The following GPD1L variants were observed in gnomAD, a reference collection of about 807,000 sequenced individuals.
GPD1L encodes glycerol-3-phosphate dehydrogenase 1 like.
Under a neutral mutation model 32.9 loss-of-function variants are expected in GPD1L, and 17 were observed. The observed-to-expected ratio is 0.52, with a 90% confidence interval of 0.35 to 0.78. The LOEUF is 0.78. Among genes scored for constraint, GPD1L ranks in the 30% least tolerant of loss-of-function variants. GPD1L has a pLI of 0.01. For synonymous variants in GPD1L, 187 were observed against 165.9 expected (o/e 1.13, Z -0.98); for missense variants, 361 against 447.8 (o/e 0.81, Z 1.75).
rs575598114 is a variant in GPD1L at position 32,120,226 on chromosome 3, G to A, written c.48-7850G>A. Among the ~76,000 whole-genome samples, 5 of 152,270 alleles carry A rather than the reference G, an allele frequency of 3.3e-5. No individual in the cohort carries two copies. The South Asian group carries it at 1.0e-3, about 32-fold the overall frequency. ...CCAGCTACTGGGGAGCCTGAGGCAG[G>A]AGAATCGCTTGAACCCAGGAGACGG... On this transcript the variant is annotated intron_variant, in intron 1 of 7. Coordinates refer to ENST00000282541, the MANE Select transcript of GPD1L (RefSeq NM_015141.4).
At chr3:32,136,189 A>C (rs920020789) in intron 2 of GPD1L, among the ~76,000 whole-genome samples, 1 of 152,138 alleles carries the variant, frequency 6.6e-6, no homozygotes, top group Non-Finnish European at 1.5e-5. Context: ...CTTCATCCAC[A>C]TGGTAGCCCC....
At chr3:32,159,131 C>A in intron 6 of GPD1L, 22 bp downstream of exon 6, 1 of 1,558,158 alleles carries the variant, frequency 6.4e-7, no homozygotes, top group Non-Finnish European at 8.8e-7. Context: ...CCTGCTCTCC[C>A]GCACCCCCTC....
Position 32,159,736 on chromosome 3 carries a change from C to T in GPD1L, c.959+62C>T, listed in dbSNP as rs1423056539. On this transcript the variant is annotated intron_variant, in intron 7 of 7. Coordinates refer to ENST00000282541, the MANE Select transcript of GPD1L (RefSeq NM_015141.4). Reference sequence around the variant, plus strand: ...TCCATCATTCCTATTCTCAGGACTTCCAGCCCCACGGAGATGAGCTAGACT... The same window carrying T: ...TCCATCATTCCTATTCTCAGGACTTTCAGCCCCACGGAGATGAGCTAGACT... 4 of 1,014,602 alleles carry T rather than the reference C, an allele frequency of 3.9e-6. No individual in the cohort carries two copies. In the African/African-American group the frequency reaches 4.7e-5, roughly 12 times the overall value. 62.8% of individuals were successfully genotyped at this position (1,014,602 alleles called of 1,614,324 possible). A position where few individuals can be genotyped will look rare whatever the true frequency, so the allele number is the denominator to read the frequency against.
intron 7 of GPD1L, among the ~76,000 whole-genome samples, chr3:32,161,471 A>G (rs1389300688): frequency 1.3e-5 from 2 of 152,128 alleles, no homozygotes; most frequent in Non-Finnish European, 2.9e-5. Flanking sequence ...ACCACTGAGC[A>G]TTTATCAAGA....
At chr3:32,109,932 T>C (rs1310897679) in intron 1 of GPD1L, among the ~76,000 whole-genome samples, 1 of 152,294 alleles carries the variant, frequency 6.6e-6, no homozygotes, top group Non-Finnish European at 1.5e-5. Flanking sequence ...TTTTTGTTTT[T>C]CTTGAGACGG....
At chr3:32,122,535 A>G (rs1284376698) in intron 1 of GPD1L, among the ~76,000 whole-genome samples, 1 of 152,246 alleles carries the variant, frequency 6.6e-6, no homozygotes, top group Non-Finnish European at 1.5e-5. Context: ...TTAAGGCCTA[A>G]GACTTAAGAC....
intron 1 of GPD1L, among the ~76,000 whole-genome samples, chr3:32,115,757 A>AATTTTTT (rs1559568569): frequency 1.3e-5 from 1 of 75,854 alleles, no homozygotes; most frequent in East Asian, 3.0e-4. Flanking sequence ...TGTACGTTGA[A>AATTTTTT]CTTTTTTTTT....
At chr3:32,132,151 T>C (rs1199138477) in intron 2 of GPD1L, among the ~76,000 whole-genome samples, 3 of 152,270 alleles carry the variant, frequency 2.0e-5, no homozygotes, top group Non-Finnish European at 4.4e-5. Flanking sequence ...GTGGGTTTTC[T>C]TTTTACTTGC....
chr3:32,147,147 T>TTGG (rs1381341482), intron 5 of GPD1L, among the ~76,000 whole-genome samples: 4 of 152,352 alleles, frequency 2.6e-5, no homozygotes, highest in Non-Finnish European at 2.9e-5. Flanking sequence ...TGGTTGTTCT[T>TTGG]ATTAAGGGAA....
At position 32,158,881 on chromosome 3, in the gene GPD1L, C is replaced by T. The variant is rs267599768; in HGVS notation, c.624C>T (p.Ile208=). The change falls in exon 6 of 8, where the codon ATC becomes ATT. Residue 208 remains isoleucine (I), a synonymous_variant. Transcript: ENST00000282541. Reference sequence around the variant, plus strand: ...CTTTGTCATCTCCTTTGCAGAACATCGTAGCTGTGGGAGCTGGGTTCTGCG... The same window carrying T: ...CTTTGTCATCTCCTTTGCAGAACATTGTAGCTGTGGGAGCTGGGTTCTGCG... ...TVELCGALKN[I]VAVGAGFCDG... The T allele has an allele frequency of 2.5e-6, 4 of 1,613,838 alleles. No homozygotes were observed. The highest frequency in any genetic ancestry group is 4.5e-5 in the East Asian group (2 of 44,874).
Position 32,126,583 on chromosome 3 carries a change from T to C in GPD1L, c.48-1493T>C, listed in dbSNP as rs528627325. ...TAAAGGTGGTAGTGATGGTGGGAGA[T>C]TCCTGGCCTCCCTTCTACAAAGTGT... On this transcript the variant is annotated intron_variant, in intron 1 of 7. Transcript: ENST00000282541. Among the ~76,000 whole-genome samples the C allele has an allele frequency of 3.9e-5, 6 of 152,350 alleles. No individual in the cohort carries two copies. The East Asian group carries it at 1.2e-3, about 29-fold the overall frequency.
At chr3:32,114,505 T>C (rs2125469224) in intron 1 of GPD1L, among the ~76,000 whole-genome samples, 1 of 152,354 alleles carries the variant, frequency 6.6e-6, no homozygotes, top group Admixed American at 6.5e-5. Context: ...CAGAAACAAA[T>C]GTTTCACAGT....
At chr3:32,158,096 T>C (rs1472217087) in intron 5 of GPD1L, among the ~76,000 whole-genome samples, 5 of 152,238 alleles carry the variant, frequency 3.3e-5, no homozygotes, top group Non-Finnish European at 7.3e-5. Context: ...ATGGCAGCAC[T>C]GTTTGTCATG....
chr3:32,120,150 T>C (rs1700389147), intron 1 of GPD1L, among the ~76,000 whole-genome samples: 1 of 152,114 alleles, frequency 6.6e-6, no homozygotes. Flanking sequence ...AAACCCTGTC[T>C]CTACTAAAAA....
At chr3:32,151,084 T>A (rs190571261) in intron 5 of GPD1L, 2 of 394,326 alleles carry the variant, frequency 5.1e-6, no homozygotes, top group South Asian at 2.5e-5. Flanking sequence ...TCACACCTAT[T>A]ATGCATGAAT....
chr3:32,123,168 C>T (rs941914295), intron 1 of GPD1L, among the ~76,000 whole-genome samples: 1 of 152,158 alleles, frequency 6.6e-6, no homozygotes, highest in Non-Finnish European at 1.5e-5. Context: ...TCCCAGTGTG[C>T]TGAGATTCCA....
At chr3:32,110,602 C>T (rs1438800104) in intron 1 of GPD1L, among the ~76,000 whole-genome samples, 2 of 152,218 alleles carry the variant, frequency 1.3e-5, no homozygotes, top group Non-Finnish European at 2.9e-5. Context: ...CAGGAAGGTC[C>T]TGGGCAGGAA....
chr3:32,113,793 A>G (rs1268907755), intron 1 of GPD1L, among the ~76,000 whole-genome samples: 1 of 152,148 alleles, frequency 6.6e-6, no homozygotes, highest in Non-Finnish European at 1.5e-5. Context: ...CTGCTGATCT[A>G]GCCTAGGCTC....
At chr3:32,146,279 G>A (rs957923017) in intron 4 of GPD1L, among the ~76,000 whole-genome samples, 1 of 151,590 alleles carries the variant, frequency 6.6e-6, no homozygotes, top group Non-Finnish European at 1.5e-5. Context: ...GTAGAGATGG[G>A]GTTTCACCAT....
Sources: gnomAD v4.1 joint callset for allele counts (sites outside exome capture counted in the v4.1 genomes callset) on GRCh38, gnomAD v4.1.1 for gene constraint, MANE v1.5 for transcripts, NCBI Gene and HGNC (gene_info 2026-07-23, HGNC 2026-07-21) for gene names.